The following PSD2 variants were observed in gnomAD, a reference collection of about 807,000 sequenced individuals.
PSD2 encodes the protein PH and SEC7 domain-containing protein 2.
In PSD2, 38 loss-of-function variants were observed where a neutral mutation model predicts 69.8. The ratio of observed to expected loss-of-function variants is 0.54; its 90% CI spans 0.42 to 0.71. The LOEUF is 0.71. Among genes scored for constraint, PSD2 ranks in the 30% least tolerant of loss-of-function variants. The pLI is 0.00. For synonymous variants in PSD2, 412 were observed against 423.0 expected, an observed-to-expected ratio of 0.97 and a Z score of 0.32; for missense variants, 943 against 1,014.5, an observed-to-expected ratio of 0.93 and a Z score of 0.96.
At chr5:139,790,941 C>G (rs1759405416), upstream of PSD2, among the ~76,000 whole-genome samples, 1 of 152,182 alleles carries the variant, frequency 6.6e-6, no homozygotes, top group South Asian at 2.1e-4. Context: ...ATCCCAGCTA[C>G]TCGGGAGACC....
the PSD2 span, among the ~76,000 whole-genome samples, chr5:139,751,647 C>T: frequency 6.6e-6 from 1 of 152,210 alleles, no homozygotes; most frequent in African/African-American, 2.4e-5. Context: ...GTGCGTGTTT[C>T]ACAGTGTGCC....
the PSD2 span, among the ~76,000 whole-genome samples, chr5:139,775,849 AG>A: frequency 6.6e-6 from 1 of 152,152 alleles, no homozygotes; most frequent in African/African-American, 2.4e-5. Context: ...TTGTATTTTT[AG>A]TAGAGACGGA....
the PSD2 span, among the ~76,000 whole-genome samples, chr5:139,758,980 G>A: frequency 1.3e-5 from 2 of 151,068 alleles, no homozygotes; most frequent in East Asian, 3.9e-4. Context: ...TGTTCTTCTT[G>A]CTGGATTGGC....
At chr5:139,797,841 C>G (rs1759568781) in intron 1 of PSD2, among the ~76,000 whole-genome samples, 1 of 152,182 alleles carries the variant, frequency 6.6e-6, no homozygotes, top group South Asian at 2.1e-4. Flanking sequence ...AGACCTGTGT[C>G]CCCATCCTCT....
the PSD2 span, among the ~76,000 whole-genome samples, chr5:139,778,097 C>T: frequency 6.6e-6 from 1 of 152,338 alleles, no homozygotes; most frequent in East Asian, 1.9e-4. Flanking sequence ...ACACAAGGTC[C>T]AGTTATGCCT....
At chr5:139,775,614 C>T in the PSD2 span, 16 of 152,454 alleles carry the variant, frequency 1.0e-4, no homozygotes, top group African/African-American at 3.4e-4. Context: ...CAGTGCCCCA[C>T]CCTAAATGAA....
At chr5:139,815,589 G>A (rs1760099993) in intron 4 of PSD2, among the ~76,000 whole-genome samples, 1 of 152,082 alleles carries the variant, frequency 6.6e-6, no homozygotes. Flanking sequence ...GGTCATTGGT[G>A]GCCTTGTGTC....
At chr5:139,758,062 C>CA in the PSD2 span, among the ~76,000 whole-genome samples, 1 of 152,140 alleles carries the variant, frequency 6.6e-6, no homozygotes. Flanking sequence ...CGAAACGAAA[C>CA]AAAAAAACCA....
chr5:139,758,801 G>A, the PSD2 span, among the ~76,000 whole-genome samples: 4 of 152,054 alleles, frequency 2.6e-5, no homozygotes, highest in African/African-American at 9.7e-5. Flanking sequence ...CTAGACAGAG[G>A]TGGCCATGAT....
chr5:139,793,856 G>GA (rs200440719), upstream of PSD2, among the ~76,000 whole-genome samples: 2 of 152,234 alleles, frequency 1.3e-5, no homozygotes, highest in East Asian at 3.9e-4. Flanking sequence ...ACAAAGAGGG[G>GA]GACTGCTACC....
At chr5:139,828,158 A>G (rs959892037) in intron 7 of PSD2, among the ~76,000 whole-genome samples, 1 of 152,146 alleles carries the variant, frequency 6.6e-6, no homozygotes, top group Non-Finnish European at 1.5e-5. Context: ...AGTGTGGGTT[A>G]GAATTGGAGA....
the PSD2 span, among the ~76,000 whole-genome samples, chr5:139,788,587 C>T: frequency 1.3e-5 from 2 of 152,216 alleles, no homozygotes; most frequent in South Asian, 2.1e-4. Flanking sequence ...GCTGGACCTC[C>T]GGAAGCGCGG....
At chr5:139,811,066 A>G (rs1294408109) in intron 2 of PSD2, among the ~76,000 whole-genome samples, 1 of 152,084 alleles carries the variant, frequency 6.6e-6, no homozygotes, top group Admixed American at 6.5e-5. Context: ...GGCCTGGCAG[A>G]GGTGTCTTTA....
At chr5:139,801,484 C>T (rs551174497) in intron 1 of PSD2, among the ~76,000 whole-genome samples, 28 of 152,308 alleles carry the variant, frequency 1.8e-4, no homozygotes, top group Admixed American at 1.0e-3. Context: ...CTGTTTTCCT[C>T]CTACCTTGTG....
At chr5:139,823,426 T>A (rs1049044416) in intron 7 of PSD2, among the ~76,000 whole-genome samples, 1 of 152,220 alleles carries the variant, frequency 6.6e-6, no homozygotes, top group Admixed American at 6.5e-5. Context: ...GCCCCATCAT[T>A]GCTCACCCAT....
At chr5:139,780,271 G>C in the PSD2 span, among the ~76,000 whole-genome samples, 1 of 152,170 alleles carries the variant, frequency 6.6e-6, no homozygotes. Flanking sequence ...ACAATGACAG[G>C]GTTGGCTGCA....
chr5:139,823,271 A>T (rs555140383), intron 7 of PSD2, among the ~76,000 whole-genome samples: 3 of 152,034 alleles, frequency 2.0e-5, no homozygotes, highest in East Asian at 1.9e-4. Context: ...TCTTTCCTCT[A>T]TCTGCTCCGG....
At chr5:139,768,592 G>A in the PSD2 span, among the ~76,000 whole-genome samples, 7 of 151,958 alleles carry the variant, frequency 4.6e-5, no homozygotes, top group Admixed American at 1.3e-4. Flanking sequence ...GCTTGGTGGC[G>A]CATGCCTGTA....
At chr5:139,821,213 G>A (rs566799008) in intron 5 of PSD2, among the ~76,000 whole-genome samples, 16 of 152,322 alleles carry the variant, frequency 1.1e-4, no homozygotes, top group African/African-American at 3.4e-4. Context: ...GATTATAGGC[G>A]TGAGCCACCG....
Sources: gnomAD v4.1 joint callset for allele counts (sites outside exome capture counted in the v4.1 genomes callset) on GRCh38, gnomAD v4.1.1 for gene constraint, MANE v1.5 for transcripts, NCBI Gene and HGNC (gene_info 2026-07-23, HGNC 2026-07-21) for gene names.